GIPC2: variants seen among roughly 807,000 people sequenced by gnomAD.
GIPC2 encodes GIPC PDZ domain containing family member 2, also known as PDZ domain-containing protein GIPC2.
In GIPC2, 30 loss-of-function variants were observed where a neutral mutation model predicts 30.6. The ratio of observed to expected loss-of-function variants is 0.98; its 90% CI spans 0.73 to 1.33. The LOEUF (loss-of-function observed/expected upper bound fraction) is 1.33, where lower values mean the gene tolerates loss of function less well. Among genes scored for constraint, GIPC2 ranks in the 40% most tolerant of loss-of-function variants. The probability of loss-of-function intolerance (pLI) is 0.00; values close to 1 mark genes in which losing one functional copy is unlikely to be tolerated. For missense variants in GIPC2, 414 were observed against 390.3 expected (o/e 1.06, Z -0.51); for synonymous variants, 167 against 150.0 (o/e 1.11, Z -0.83).
Position 78,046,369 on chromosome 1 carries a change from C to CCGCCGCGCCGCGCCGCGCCG in GIPC2, c.240+39_240+58dup, listed in dbSNP as rs370883891. ...CAGGTGCTCAGGCTCTCCCGCCTCTCCGCCGCGCCGCGCCGCGCCGCGCGT... is the reference window on the plus strand; with the variant it reads ...CAGGTGCTCAGGCTCTCCCGCCTCTCCGCCGCGCCGCGCCGCGCCGCGCCGCGCCGCGCCGCGCCGCGCGT... On this transcript the variant is annotated intron_variant, in intron 1 of 5. Coordinates refer to ENST00000370759, the MANE Select transcript of GIPC2 (RefSeq NM_017655.6). The CCGCCGCGCCGCGCCGCGCCG allele has an allele frequency of 1.1e-4, 179 of 1,557,694 alleles. 1 individual carries two copies. Among genetic ancestry groups the CCGCCGCGCCGCGCCGCGCCG allele is most frequent in the Non-Finnish European group, 3.9e-5 (45 of 1,139,544 alleles).
intron 3 of GIPC2, among the ~76,000 whole-genome samples, chr1:78,105,950 G>T (rs187244003): frequency 1.5e-3 from 232 of 151,992 alleles, no homozygotes; most frequent in African/African-American, 5.4e-3. Flanking sequence ...AAAAATGTTT[G>T]TGAGGCTGGG....
chr1:78,078,004 C>T (rs1017593669), intron 1 of GIPC2, among the ~76,000 whole-genome samples: 2 of 151,306 alleles, frequency 1.3e-5, no homozygotes, highest in Non-Finnish European at 2.9e-5. Context: ...CCGGCTAAAA[C>T]GGTGAAACCC....
intron 5 of GIPC2, among the ~76,000 whole-genome samples, chr1:78,130,072 G>T (rs1333615107): frequency 2.0e-5 from 3 of 149,328 alleles, no homozygotes; most frequent in African/African-American, 4.9e-5. Context: ...TTAATAGTGA[G>T]AATTACATTT....
rs559293510 is a variant in GIPC2 at position 78,089,246 on chromosome 1, T to C, written c.427-5706T>C. On this transcript the variant is annotated intron_variant, in intron 2 of 5. Transcript: ENST00000370759. Reference sequence around the variant, plus strand: ...GAATCAGATAGGCCTGCTTTCAGTCTTAGCCAGATCACTTATTTACTGGCT... The same window carrying C: ...GAATCAGATAGGCCTGCTTTCAGTCCTAGCCAGATCACTTATTTACTGGCT... Among the ~76,000 whole-genome samples, 3 of 152,316 alleles carry C rather than the reference T, an allele frequency of 2.0e-5. No homozygotes were observed. The South Asian group carries it at 6.2e-4, about 32-fold the overall frequency.
chr1:78,106,968 G>T (rs562166141), intron 3 of GIPC2, among the ~76,000 whole-genome samples: 1 of 152,102 alleles, frequency 6.6e-6, no homozygotes, highest in Non-Finnish European at 1.5e-5. Context: ...GAGCCACTGT[G>T]CCCGGCCTAG....
Position 78,074,201 on chromosome 1 carries a change from A to T in GIPC2, c.241-6474A>T, listed in dbSNP as rs144978850. ...CCCTGTATTCCAGTAATAATAATAAAAACCTTTAAATTGAGCCTTTTTATT... is the reference window on the plus strand; with the variant it reads ...CCCTGTATTCCAGTAATAATAATAATAACCTTTAAATTGAGCCTTTTTATT... On this transcript the variant is annotated intron_variant, in intron 1 of 5. Coordinates refer to ENST00000370759, the MANE Select transcript of GIPC2 (RefSeq NM_017655.6). Among the ~76,000 whole-genome samples the T allele has an allele frequency of 3.9e-3, 601 of 152,244 alleles. 8 individuals are homozygous for T. Among genetic ancestry groups the T allele is most frequent in the Non-Finnish European group, 5.1e-3 (350 of 68,014 alleles).
Position 78,069,041 on chromosome 1 carries a change from G to A in GIPC2, c.241-11634G>A, listed in dbSNP as rs78808583. 25 of 984,368 alleles carry A rather than the reference G, an allele frequency of 2.5e-5. No individual in the cohort carries two copies. The East Asian group carries it at 1.0e-3, about 40-fold the overall frequency. The allele number at this position is 984,368 out of a possible 1,614,324, so 61.0% of individuals were successfully genotyped here. ...CGGGAGTCTTGCAGGCAGGAATGGC[G>A]GTAATGTTGGCAAGCAGAGAGTTGG... On this transcript the variant is annotated intron_variant, in intron 1 of 5. Transcript: ENST00000370759.
In GIPC2 at chr1:78,091,422, G is replaced by T. The variant is rs941200675; in HGVS notation, c.427-3530G>T. ...GGAGAGTGGAGCCGATAAGGCGGCC[G>T]CAGGGGCGGAGCCAGGGGCCTTTGC... is the stretch of plus-strand genomic sequence containing the variant. On this transcript the variant is annotated intron_variant, in intron 2 of 5. Transcript: ENST00000370759. 13 of 553,308 alleles carry T rather than the reference G, an allele frequency of 2.3e-5. No individual in the cohort carries two copies. The Admixed American group carries it at 3.7e-4, about 16-fold the overall frequency. 34.3% of individuals were successfully genotyped at this position (553,308 alleles called of 1,614,324 possible).
intron 5 of GIPC2, among the ~76,000 whole-genome samples, chr1:78,130,981 G>GT (rs1167941395): frequency 9.2e-5 from 14 of 151,716 alleles, no homozygotes; most frequent in Non-Finnish European, 4.4e-5. Context: ...GCTATATGTG[G>GT]TAAAAAAAAA....
chr1:78,118,871 G>GT (rs1235248019), intron 3 of GIPC2, among the ~76,000 whole-genome samples: 3 of 152,152 alleles, frequency 2.0e-5, no homozygotes, highest in African/African-American at 7.2e-5. Flanking sequence ...GGTCTCATAG[G>GT]TTGGTATGAG....
intron 5 of GIPC2, among the ~76,000 whole-genome samples, chr1:78,134,999 C>T (rs570346147): frequency 9.2e-5 from 14 of 152,234 alleles, no homozygotes; most frequent in Admixed American, 2.0e-4. Flanking sequence ...TGAACAAGGC[C>T]GCCACTTTCA....
chr1:78,056,940 C>G (rs1661309431), intron 1 of GIPC2, among the ~76,000 whole-genome samples: 1 of 152,244 alleles, frequency 6.6e-6, no homozygotes, highest in East Asian at 1.9e-4. Flanking sequence ...GTTGAAGCAG[C>G]CAGATCTTTT....
At chr1:78,108,926 C>T (rs752869455) in intron 3 of GIPC2, among the ~76,000 whole-genome samples, 40 of 152,106 alleles carry the variant, frequency 2.6e-4, no homozygotes, top group Admixed American at 5.2e-4. Context: ...TAAGCAGAAA[C>T]GGGAATTGTA....
intron 1 of GIPC2, among the ~76,000 whole-genome samples, chr1:78,062,599 CCAGG>C (rs1197417644): frequency 2.7e-4 from 41 of 151,824 alleles, no homozygotes; most frequent in African/African-American, 8.2e-4. Context: ...CCTCCACCTC[CCAGG>C]CTTAAGTGAT....
At position 78,052,492 on chromosome 1, in the gene GIPC2, T is replaced by G. The variant is rs1225193357; in HGVS notation, c.240+6158T>G. Among the ~76,000 whole-genome samples, 5 of 152,358 alleles carry G rather than the reference T, an allele frequency of 3.3e-5. No individual in the cohort carries two copies. In the East Asian group the frequency reaches 9.6e-4, roughly 29 times the overall value. On this transcript the variant is annotated intron_variant, in intron 1 of 5. Coordinates refer to ENST00000370759, the MANE Select transcript of GIPC2 (RefSeq NM_017655.6). ...AACCTAGTGTCTTTAGCATAAAGCT[T>G]TAGTATTGATTACAATACTAATATC...
chr1:78,091,784 G>C, intron 2 of GIPC2: 3 of 776,538 alleles, frequency 3.9e-6, no homozygotes, highest in East Asian at 4.9e-5. Context: ...GGAGGATACT[G>C]TTTCCAAAGA....
chr1:78,059,587 A>C (rs764568778), intron 1 of GIPC2, among the ~76,000 whole-genome samples: 2 of 152,112 alleles, frequency 1.3e-5, no homozygotes, highest in Non-Finnish European at 2.9e-5. Flanking sequence ...TACAAAAAAT[A>C]CAAAAATGAG....
intron 1 of GIPC2, among the ~76,000 whole-genome samples, chr1:78,073,030 C>T (rs1267294686): frequency 2.0e-5 from 3 of 150,998 alleles, no homozygotes; most frequent in African/African-American, 4.9e-5. Flanking sequence ...AGGATGGTCT[C>T]GATCTCCTGA....
intron 3 of GIPC2, among the ~76,000 whole-genome samples, chr1:78,107,963 C>CGAGAA (rs1662392408): frequency 6.7e-6 from 1 of 150,300 alleles, no homozygotes; most frequent in Non-Finnish European, 1.5e-5. Context: ...TAAATAGTTC[C>CGAGAA]ATGTGAGAAA....
Sources: allele counts gnomAD v4.1 joint callset (sites outside exome capture counted in the v4.1 genomes callset), GRCh38; gene constraint gnomAD v4.1.1; transcripts MANE v1.5; gene names NCBI Gene and HGNC (gene_info 2026-07-23, HGNC 2026-07-21).